UBE2G2: variants seen among roughly 807,000 people sequenced by gnomAD.
The protein encoded by UBE2G2 is ubiquitin conjugating enzyme E2 G2, also known as ubiquitin-conjugating enzyme E2 G2.
Under a neutral mutation model 23.0 loss-of-function variants are expected in UBE2G2, and 10 were observed. The observed-to-expected ratio is 0.43, with a 90% CI of 0.27 to 0.74. The LOEUF (loss-of-function observed/expected upper bound fraction) is 0.74. Among genes scored for constraint, UBE2G2 ranks in the 30% least tolerant of loss-of-function variants. UBE2G2 has a pLI of 0.19. For missense variants in UBE2G2, 150 were observed against 218.3 expected, an observed-to-expected ratio of 0.69 and a Z score of 1.97; for synonymous variants, 86 against 81.3, an observed-to-expected ratio of 1.06 and a Z score of -0.31.
intron 1 of UBE2G2, chr21:44,801,226 A>G: frequency 1.4e-6 from 1 of 720,362 alleles, no homozygotes; most frequent in Non-Finnish European, 1.7e-6. Flanking sequence ...AGGAGGAGTG[A>G]CAGGTGGCAC....
chr21:44,784,943 G>A (rs553038154), intron 3 of UBE2G2, among the ~76,000 whole-genome samples: 23 of 152,150 alleles, frequency 1.5e-4, no homozygotes, highest in Non-Finnish European at 2.4e-4. Context: ...CGCCTTGTCC[G>A]GCCACTGGGG....
intron 1 of UBE2G2, among the ~76,000 whole-genome samples, chr21:44,796,776 T>C (rs952604965): frequency 2.0e-5 from 3 of 152,196 alleles, no homozygotes; most frequent in Non-Finnish European, 2.9e-5. Flanking sequence ...TCCAAGTTCA[T>C]TGAGGTTGCT....
At chr21:44,773,491 G>T in intron 5 of UBE2G2, 56 bp downstream of exon 5, 1 of 1,563,158 alleles carries the variant, frequency 6.4e-7, no homozygotes. Context: ...CAAGGCTGGA[G>T]AACACCTGCA....
chr21:44,775,856 T>A (rs115919025), intron 4 of UBE2G2, among the ~76,000 whole-genome samples: 1 of 152,202 alleles, frequency 6.6e-6, no homozygotes, highest in Non-Finnish European at 1.5e-5. Context: ...CACACTCAAG[T>A]AGACAGCGTG....
Position 44,769,853 on chromosome 21 carries a change from T to TA in UBE2G2, c.*1523dup, listed in dbSNP as rs1449482540. The stretch of plus-strand genomic sequence containing the variant: ...GAAAAGGATCACATCAAATCTACTG[T>TA]ATGCCTCATAGACCATCCCTTATTT... On this transcript the variant is annotated 3_prime_UTR_variant, in exon 6 of 6. Coordinates refer to ENST00000345496, the MANE Select transcript of UBE2G2 (RefSeq NM_003343.6). The TA allele has an allele frequency of 6.6e-6, 1 of 152,288 alleles. No individual in the cohort carries two copies. The highest frequency in any genetic ancestry group is 1.5e-5 in the Non-Finnish European group (1 of 68,058). 9.4% of individuals were successfully genotyped at this position (152,288 alleles called of 1,614,324 possible). A position where few individuals can be genotyped will look rare whatever the true frequency, so the allele number is the denominator to read the frequency against.
rs570487130 is a variant in UBE2G2, at chr21:44,786,955, G to A, written c.125+965C>T. ...AAAAATACAAAAATTAGCCAGGCAC[G>A]GTGGTGGGTACCTGTAATCCCAGCT... On this transcript the variant is annotated intron_variant, in intron 3 of 5. Transcript: ENST00000345496. 1.2e-4 allele frequency among the ~76,000 whole-genome samples: 19 copies of A among 152,198 alleles called. No individual in the cohort carries two copies. The South Asian group carries it at 3.1e-3, about 25-fold the overall frequency.
intron 1 of UBE2G2, among the ~76,000 whole-genome samples, chr21:44,798,494 C>G (rs1207215109): frequency 6.6e-6 from 1 of 152,358 alleles, no homozygotes. Context: ...AACCCTGCGG[C>G]TGCTTTATCA....
chr21:44,799,478 T>C (rs1555964397), intron 1 of UBE2G2, among the ~76,000 whole-genome samples: 3 of 152,262 alleles, frequency 2.0e-5, no homozygotes, highest in Non-Finnish European at 4.4e-5. Flanking sequence ...ACCTTGTGCT[T>C]TTCTGTTATG....
intron 3 of UBE2G2, among the ~76,000 whole-genome samples, chr21:44,785,081 T>C (rs1444959505): frequency 6.6e-6 from 1 of 152,200 alleles, no homozygotes; most frequent in East Asian, 1.9e-4. Context: ...CCATGGACCC[T>C]AGAGCTGGGC....
chr21:44,788,554 G>A (rs2083018692), intron 1 of UBE2G2, among the ~76,000 whole-genome samples: 1 of 152,062 alleles, frequency 6.6e-6, no homozygotes, highest in African/African-American at 2.4e-5. Flanking sequence ...CTCCCAAAGT[G>A]CTGGGATTAC....
At chr21:44,783,818 A>C (rs1555961604) in intron 3 of UBE2G2, among the ~76,000 whole-genome samples, 1 of 152,240 alleles carries the variant, frequency 6.6e-6, no homozygotes, top group Non-Finnish European at 1.5e-5. Flanking sequence ...ACTAACTTTT[A>C]TACTTAATGC....
intron 3 of UBE2G2, among the ~76,000 whole-genome samples, chr21:44,782,006 A>T (rs919223563): frequency 2.6e-5 from 4 of 152,362 alleles, no homozygotes; most frequent in East Asian, 3.8e-4. Flanking sequence ...TTCATCAATT[A>T]TAAGAACTTT....
intron 4 of UBE2G2, chr21:44,775,454 T>TA (rs1275112898): frequency 6.6e-6 from 1 of 152,250 alleles, no homozygotes; most frequent in Non-Finnish European, 1.5e-5. Context: ...GAATTGTTTT[T>TA]AAAGTATTTA....
chr21:44,794,368 A>T (rs1330871345), intron 1 of UBE2G2, among the ~76,000 whole-genome samples: 1 of 152,208 alleles, frequency 6.6e-6, no homozygotes, highest in Non-Finnish European at 1.5e-5. Context: ...TGGATCCCAA[A>T]CCTAAATACA....
chr21:44,770,005 T>A lies in UBE2G2; in HGVS notation c.*1372A>T, dbSNP rs1191031836. 1 of 152,258 alleles carries A rather than the reference T, an allele frequency of 6.6e-6. No homozygotes were observed. The highest frequency in any genetic ancestry group is 1.5e-5 in the Non-Finnish European group (1 of 68,052). The allele number at this position is 152,258 out of a possible 1,614,324, so 9.4% of individuals were successfully genotyped here. ...GCCTGTGCTGCTCAGCTGGCCCTGT[T>A]AGAGAACATGGGAACCACATCAAAA... is the stretch of plus-strand genomic sequence containing the variant. On this transcript the variant is annotated 3_prime_UTR_variant, in exon 6 of 6. Transcript: ENST00000345496.
intron 1 of UBE2G2, 172 bp downstream of exon 1, chr21:44,801,534 G>A (rs1482299404): frequency 1.8e-6 from 2 of 1,129,946 alleles, no homozygotes; most frequent in Non-Finnish European, 1.2e-6. Context: ...TCACGCGTGA[G>A]AGTGGGCAGC....
Position 44,771,594 on chromosome 21 carries a change from T to C in UBE2G2, c.386-105A>G. 8.2e-7 allele frequency: 1 copy of C among 1,212,956 alleles called. No individual in the cohort carries two copies. The highest frequency in any genetic ancestry group is 1.2e-6 in the Non-Finnish European group (1 of 843,562). 75.1% of individuals were successfully genotyped at this position (1,212,956 alleles called of 1,614,324 possible). On this transcript the variant is annotated intron_variant, in intron 5 of 5. Transcript: ENST00000345496. This position sits in a 1 kb window ranked among gnomAD's most constrained non-coding sequence, Gnocchi z 4.6. ...AACACTGGCGGGGGCTTTCAAGAGC[T>C]GTGTCCCAGAAACAAAGAACCTGAG...
chr21:44,800,390 AT>A (rs1286155961), intron 1 of UBE2G2: 2 of 147,950 alleles, frequency 1.4e-5, no homozygotes, highest in South Asian at 2.1e-4. Flanking sequence ...TTTGAAAAAA[AT>A]AACAATAAAA....
intron 3 of UBE2G2, among the ~76,000 whole-genome samples, chr21:44,785,076 G>A (rs1237562851): frequency 6.6e-6 from 1 of 152,176 alleles, no homozygotes; most frequent in Non-Finnish European, 1.5e-5. Flanking sequence ...ACGGGCCATG[G>A]ACCCTAGAGC....
Sources: gnomAD v4.1 joint callset for allele counts (sites outside exome capture counted in the v4.1 genomes callset) on GRCh38, gnomAD v4.1.1 for gene constraint, Gnocchi (gnomAD v3.1) non-coding constraint, MANE v1.5 for transcripts, NCBI Gene and HGNC (gene_info 2026-07-23, HGNC 2026-07-21) for gene names.